The following MEI1 variants were observed in gnomAD, a reference collection of about 807,000 sequenced individuals.
The protein encoded by MEI1 is meiotic double-stranded break formation protein 1, also known as meiosis inhibitor protein 1.
Under a neutral mutation model 146.2 loss-of-function variants are expected in MEI1, and 103 were observed. The observed-to-expected ratio is 0.70, with a 90% confidence interval of 0.60 to 0.83. The LOEUF is 0.83. MEI1 is among the 40% of genes least tolerant of loss of function. The pLI is 0.00. For missense variants in MEI1, 1,529 were observed against 1,533.0 expected, an observed-to-expected ratio of 1.00 and a Z score of 0.04; for synonymous variants, 652 against 628.2, an observed-to-expected ratio of 1.04 and a Z score of -0.57.
rs149439797 is a variant in MEI1, at chr22:41,782,569, T to C, written c.3087+724T>C. 7.2e-5 allele frequency among the ~76,000 whole-genome samples: 11 copies of C among 152,320 alleles called. No individual in the cohort carries two copies. The East Asian group carries it at 2.1e-3, about 29-fold the overall frequency. On this transcript the variant is annotated intron_variant, in intron 24 of 30. Coordinates refer to ENST00000401548, the MANE Select transcript of MEI1 (RefSeq NM_152513.4). ...CATGGAAACCATCTGCTAGCCTCTGTGGTATCCTCACACTGCGCCCAATAC... is the reference window on the plus strand; with the variant it reads ...CATGGAAACCATCTGCTAGCCTCTGCGGTATCCTCACACTGCGCCCAATAC...
intron 6 of MEI1, among the ~76,000 whole-genome samples, chr22:41,721,486 C>T (rs919232558): frequency 1.5e-4 from 23 of 148,412 alleles, no homozygotes; most frequent in Non-Finnish European, 2.7e-4. Flanking sequence ...CCTCGTGATT[C>T]GCCTGCCTTG....
intron 15 of MEI1, among the ~76,000 whole-genome samples, chr22:41,749,705 G>A (rs963536322): frequency 6.6e-6 from 1 of 152,234 alleles, no homozygotes; most frequent in Non-Finnish European, 1.5e-5. Flanking sequence ...CAGATTGGAG[G>A]CATGTATCTC....
rs560712583 is a variant in MEI1 at position 41,734,647 on chromosome 22, A to G, written c.1331+2044A>G. On this transcript the variant is annotated intron_variant, in intron 11 of 30. Coordinates refer to ENST00000401548, the MANE Select transcript of MEI1 (RefSeq NM_152513.4). ...AAATAGTTGTCATGCTGTATTTAAAATTTTTTTTGAGATGAAGTTTCGCTC... is the reference window on the plus strand; with the variant it reads ...AAATAGTTGTCATGCTGTATTTAAAGTTTTTTTTGAGATGAAGTTTCGCTC... 1.3e-3 allele frequency among the ~76,000 whole-genome samples: 194 copies of G among 152,090 alleles called. 1 individual carries two copies. The highest frequency in any genetic ancestry group is 4.6e-3 in the African/African-American group (192 of 41,514).
At chr22:41,704,034 A>G (rs1456520506) in intron 2 of MEI1, among the ~76,000 whole-genome samples, 1 of 152,206 alleles carries the variant, frequency 6.6e-6, no homozygotes, top group East Asian at 1.9e-4. Context: ...CGGTCTTTGT[A>G]CAGGACCAGA....
intron 3 of MEI1, among the ~76,000 whole-genome samples, chr22:41,710,272 G>A (rs2069435091): frequency 6.6e-6 from 1 of 152,026 alleles, no homozygotes; most frequent in Non-Finnish European, 1.5e-5. Context: ...TTTGATCTTG[G>A]GCTTTCAACC....
chr22:41,779,684 A>T (rs2075656651), intron 22 of MEI1, among the ~76,000 whole-genome samples: 1 of 152,184 alleles, frequency 6.6e-6, no homozygotes, highest in African/African-American at 2.4e-5. Context: ...TGCTTGACAC[A>T]CAGTAGACCT....
intron 14 of MEI1, among the ~76,000 whole-genome samples, chr22:41,746,993 C>T (rs1269516543): frequency 6.6e-6 from 1 of 151,954 alleles, no homozygotes; most frequent in Non-Finnish European, 1.5e-5. Context: ...TGTATTAGTC[C>T]TTCTTTCTAC....
chr22:41,746,065 G>A, intron 14 of MEI1, 39 bp downstream of exon 14: 1 of 1,533,998 alleles, frequency 6.5e-7, no homozygotes, highest in Non-Finnish European at 8.8e-7. Flanking sequence ...GAAGCTTGGG[G>A]AAGAGAAGAA....
intron 2 of MEI1, among the ~76,000 whole-genome samples, chr22:41,704,967 G>C (rs1194273375): frequency 6.6e-6 from 1 of 152,096 alleles, no homozygotes; most frequent in African/African-American, 2.4e-5. Flanking sequence ...ACCTGCCTCA[G>C]CCTCCCAAAG....
intron 9 of MEI1, 99 bp from the exon 10 acceptor site, chr22:41,732,146 C>A: frequency 3.3e-6 from 3 of 919,742 alleles, no homozygotes; most frequent in Non-Finnish European, 3.3e-6. Context: ...TGGCCTCCAA[C>A]TCATACATGC....
chr22:41,724,381 A>G (rs2035401350), intron 7 of MEI1, among the ~76,000 whole-genome samples: 1 of 152,144 alleles, frequency 6.6e-6, no homozygotes, highest in Non-Finnish European at 1.5e-5. Context: ...GCGTTTTGGG[A>G]GGCCAAGGCT....
Position 41,745,018 on chromosome 22 carries a change from G to T in MEI1, c.1492G>T (p.Gly498Ter). 1 of 1,566,406 alleles carries T rather than the reference G, an allele frequency of 6.4e-7. No homozygotes were observed. The change falls in exon 13 of 31, where the codon GGA (glycine) becomes TGA (stop). Residue 498 changes from glycine to a stop codon, truncating the protein, a stop_gained. Transcript: ENST00000401548. LOFTEE classifies it high-confidence loss of function. Reference protein sequence around the residue: ...RDSEKAILQRGKFLLSTLEGF... With the variant: ...RDSEKAILQR ...TTCAGAGAAGGCCATTCTTCAAAGG[G>T]GAAAGTTCCTCCTCAGCACTCTGGA...
At chr22:41,736,552 C>CA (rs1171979796) in intron 11 of MEI1, among the ~76,000 whole-genome samples, 3 of 152,082 alleles carry the variant, frequency 2.0e-5, no homozygotes, top group South Asian at 2.1e-4. Flanking sequence ...CGCGCCTGGC[C>CA]AAAAAATTTT....
chr22:41,771,413 C>G (rs1288354250), intron 20 of MEI1, among the ~76,000 whole-genome samples: 1 of 152,142 alleles, frequency 6.6e-6, no homozygotes, highest in Non-Finnish European at 1.5e-5. Flanking sequence ...CTTGCTCAGG[C>G]ATACCTAGAA....
At chr22:41,761,437 C>T (rs1434205891) in intron 18 of MEI1, among the ~76,000 whole-genome samples, 1 of 151,568 alleles carries the variant, frequency 6.6e-6, no homozygotes, top group Admixed American at 6.6e-5. Context: ...GCCTCAGCCT[C>T]CTGAGTAGCT....
chr22:41,784,918 A>T, intron 26 of MEI1, 135 bp downstream of exon 26: 1 of 413,288 alleles, frequency 2.4e-6, no homozygotes, highest in Non-Finnish European at 3.7e-6. Flanking sequence ...TATTTCTATT[A>T]TTTTTATTTT....
chr22:41,703,399 G>A lies in MEI1; in HGVS notation c.243G>A (p.Thr81=), dbSNP rs762678059. The A allele has an allele frequency of 9.9e-6, 16 of 1,609,540 alleles. No homozygotes were observed. In the South Asian group the frequency reaches 1.1e-4, roughly 11 times the overall value. ...DALVRHTSLV[T]QLVSQDQRVC... ...TTGTGAGGCATACCTCCCTGGTCAC[G>A]CAACTGGTGTCTCAGGATCAGAGAG... Residue 81 remains threonine, a synonymous_variant, in exon 2 of 31, where the codon ACG becomes ACA. Transcript: ENST00000401548.
intron 18 of MEI1, among the ~76,000 whole-genome samples, chr22:41,761,825 C>T (rs2074514067): frequency 1.3e-5 from 2 of 152,146 alleles, no homozygotes. Flanking sequence ...TCTGTTCTGT[C>T]TCTTTGGAGT....
At chr22:41,728,081 C>T (rs1476646044) in intron 7 of MEI1, among the ~76,000 whole-genome samples, 1 of 152,174 alleles carries the variant, frequency 6.6e-6, no homozygotes, top group East Asian at 1.9e-4. Flanking sequence ...TGGCAAACTC[C>T]AGTAAGTTGG....
Sources: gnomAD v4.1 joint callset for allele counts (sites outside exome capture counted in the v4.1 genomes callset) on GRCh38, gnomAD v4.1.1 for gene constraint, MANE v1.5 for transcripts, NCBI Gene and HGNC (gene_info 2026-07-23, HGNC 2026-07-21) for gene names.